Variants in PPP1R26 observed in about 807,000 individuals in gnomAD.
The protein encoded by PPP1R26 is protein phosphatase 1 regulatory subunit 26, also known as 1A6/DRIM (down-regulated in metastasis) interacting protein.
In PPP1R26, 22 loss-of-function variants were observed where a neutral mutation model predicts 67.6. That is an observed-to-expected ratio of 0.33 (90% CI 0.23 to 0.46). The LOEUF is 0.46. PPP1R26 is among the 20% of genes least tolerant of loss of function. The pLI is 1.00. For synonymous variants in PPP1R26, 729 were observed against 717.2 expected, an observed-to-expected ratio of 1.02 and a Z score of -0.26; for missense variants, 1,602 against 1,651.4, an observed-to-expected ratio of 0.97 and a Z score of 0.52.
At position 135,488,259 on chromosome 9, in the gene PPP1R26, C is replaced by T; in HGVS notation, c.*119C>T. ...AGGGAAACAGTCTATTATACATAGC[C>T]CTGTATATATGTACACCAACATGAA... On this transcript the variant is annotated 3_prime_UTR_variant, in exon 4 of 4. Coordinates refer to ENST00000356818, the MANE Select transcript of PPP1R26 (RefSeq NM_014811.5). 7.6e-7 allele frequency: 1 copy of T among 1,307,924 alleles called. No individual in the cohort carries two copies. The highest frequency in any genetic ancestry group is 2.8e-5 in the East Asian group (1 of 35,514). The allele number at this position is 1,307,924 out of a possible 1,614,324, so 81.0% of individuals were successfully genotyped here. A position where few individuals can be genotyped will look rare whatever the true frequency, so the allele number is the denominator to read the frequency against.
At chr9:135,482,983 C>CTTTTTTTTTTTT (rs1360229729) in intron 2 of PPP1R26, among the ~76,000 whole-genome samples, 168 bp downstream of exon 2, 26 of 125,746 alleles carry the variant, frequency 2.1e-4, no homozygotes, top group South Asian at 6.0e-4. Flanking sequence ...CTTTTTCTTT[C>CTTTTTTTTTTTT]TTTCTTTTTT....
Position 135,486,487 on chromosome 9 carries a change from T to G in PPP1R26, c.1977T>G (p.Thr659=). 1 of 1,612,720 alleles carries G rather than the reference T, an allele frequency of 6.2e-7. No individual in the cohort carries two copies. Among genetic ancestry groups the G allele is most frequent in the South Asian group, 1.1e-5 (1 of 91,020 alleles). Residue 659 remains threonine, a synonymous_variant, in exon 4 of 4, where the codon ACT becomes ACG. Coordinates refer to ENST00000356818, the MANE Select transcript of PPP1R26 (RefSeq NM_014811.5). This position sits in a 1 kb window ranked among gnomAD's most constrained non-coding sequence, Gnocchi z 6.2. ...GEGTARGPGD[T]RMSQGQGKTD... ...GCACCGCCAGGGGCCCTGGCGACAC[T>G]CGCATGTCACAGGGCCAGGGTAAGA...
In PPP1R26 at chr9:135,486,528, G is replaced by T. The variant is rs760852485; in HGVS notation, c.2018G>T (p.Arg673Leu). ...QGQGKTDEARRLDEKESSEDK... is the reference protein window; with the variant it reads ...QGQGKTDEARLLDEKESSEDK... ...CAGGGTAAGACAGACGAGGCAAGGC[G>T]CCTAGACGAGAAAGAGAGCTCTGAA... Residue 673 changes from arginine to leucine, a missense_variant, in exon 4 of 4, where the codon CGC (arginine) becomes CTC (leucine). Physicochemically the swap from Arg to Leu is moderately radical, Grantham distance 102. Around this residue, in one of 5 missense-constraint regions of PPP1R26, gnomAD observed 680 missense variants for 726.1 expected, o/e 0.94. Coordinates refer to ENST00000356818, the MANE Select transcript of PPP1R26 (RefSeq NM_014811.5). The surrounding 1 kb of genome is among the most constrained non-coding windows in gnomAD (Gnocchi z 6.2). The T allele has an allele frequency of 6.2e-7, 1 of 1,612,498 alleles. No homozygotes were observed. Among genetic ancestry groups the T allele is most frequent in the South Asian group, 1.1e-5 (1 of 91,018 alleles).
At position 135,486,733 on chromosome 9, in the gene PPP1R26, C is replaced by T. The variant is rs1300350500; in HGVS notation, c.2223C>T (p.Asp741=). Residue 741 remains aspartate, a synonymous_variant, in exon 4 of 4, where the codon GAC becomes GAT. Coordinates refer to ENST00000356818, the MANE Select transcript of PPP1R26 (RefSeq NM_014811.5). This position sits in a 1 kb window ranked among gnomAD's most constrained non-coding sequence, Gnocchi z 6.2. ...AGCAGCTGGGCGGGCTCCGGAGAGA[C>T]TGGAAAGACAGGGGCCCGCCAGTGC... The part of the protein sequence containing the change: ...FLEQLGGLRR[D]WKDRGPPVLK... 6.4e-7 allele frequency: 1 copy of T among 1,571,332 alleles called. No homozygotes were observed. The highest frequency in any genetic ancestry group is 1.9e-5 in the Admixed American group (1 of 52,514).
At position 135,488,115 on chromosome 9, in the gene PPP1R26, G is replaced by A. The variant is rs760797550; in HGVS notation, c.3605G>A (p.Gly1202Asp). ...DFSDTSTEDS[G>D]GSSVVKV ...AGCGACACCTCCACGGAGGACAGTG[G>A]CGGCAGCTCAGTAGTGAAGGTCTAA... Residue 1202 changes from glycine (G) to aspartate (D), a missense_variant, in exon 4 of 4, where the codon GGC becomes GAC. Coordinates refer to ENST00000356818, the MANE Select transcript of PPP1R26 (RefSeq NM_014811.5). 4 of 1,533,392 alleles carry A rather than the reference G, an allele frequency of 2.6e-6. No individual in the cohort carries two copies. The Admixed American group carries it at 8.5e-5, about 32-fold the overall frequency. 95.0% of individuals were successfully genotyped at this position (1,533,392 alleles called of 1,614,324 possible).
intron 1 of PPP1R26, among the ~76,000 whole-genome samples, chr9:135,482,075 A>G (rs1002601987): frequency 6.6e-6 from 1 of 152,226 alleles, no homozygotes; most frequent in Non-Finnish European, 1.5e-5. Flanking sequence ...CGACCTTGTC[A>G]TCTAGTGTAA....
Position 135,484,777 on chromosome 9 carries a change from G to A in PPP1R26, c.267G>A (p.Val89=), listed in dbSNP as rs770588814. Residue 89 remains valine, a synonymous_variant, in exon 4 of 4, where the codon GTG becomes GTA. Coordinates refer to ENST00000356818, the MANE Select transcript of PPP1R26 (RefSeq NM_014811.5). The stretch of plus-strand genomic sequence containing the variant: ...CCAGGCCGGCTGCCAAGCCCACCGT[G>A]CACAAGGAGCCACCCGCGTTGGCTG... ...HDARPAAKPT[V]HKEPPALAVC... The A allele has an allele frequency of 4.3e-6, 7 of 1,611,268 alleles. No homozygotes were observed. The Admixed American group carries it at 1.2e-4, about 27-fold the overall frequency.
rs1370326960 is a variant in PPP1R26, at chr9:135,486,725, C to T, written c.2215C>T (p.Arg739Trp). The T allele has an allele frequency of 1.4e-5, 22 of 1,573,856 alleles. No homozygotes were observed. The highest frequency in any genetic ancestry group is 1.7e-4 in the Middle Eastern group (1 of 6,006). The change falls in exon 4 of 4, where the codon CGG becomes TGG. Residue 739 changes from arginine (R) to tryptophan (W), a missense_variant. Physicochemically the swap from Arg to Trp is moderately radical, Grantham distance 101. Coordinates refer to ENST00000356818, the MANE Select transcript of PPP1R26 (RefSeq NM_014811.5). This position sits in a 1 kb window ranked among gnomAD's most constrained non-coding sequence, Gnocchi z 6.2. ...CTTCTTGGAGCAGCTGGGCGGGCTCCGGAGAGACTGGAAAGACAGGGGCCC... is the reference window on the plus strand; with the variant it reads ...CTTCTTGGAGCAGCTGGGCGGGCTCTGGAGAGACTGGAAAGACAGGGGCCC... ...THFLEQLGGLRRDWKDRGPPV... is the reference protein window; with the variant it reads ...THFLEQLGGLWRDWKDRGPPV...
chr9:135,480,748 T>C (rs1385589965), intron 1 of PPP1R26: 1 of 152,310 alleles, frequency 6.6e-6, no homozygotes, highest in Non-Finnish European at 1.5e-5. Context: ...GTTGTAAAAT[T>C]GCAGCTTCTG....
intron 2 of PPP1R26, among the ~76,000 whole-genome samples, chr9:135,483,089 G>A (rs910353035): frequency 6.1e-5 from 9 of 147,634 alleles, no homozygotes; most frequent in Non-Finnish European, 8.9e-5. Flanking sequence ...TCCTGGGTTC[G>A]AGCAATTCTC....
Position 135,486,344 on chromosome 9 carries a change from G to A in PPP1R26, c.1834G>A (p.Glu612Lys), listed in dbSNP as rs1377076655. The change falls in exon 4 of 4, where the codon GAG (glutamate) becomes AAG (lysine). Residue 612 changes from glutamate to lysine, a missense_variant. By Grantham distance (56) the Glu-to-Lys change is moderately conservative (BLOSUM62 1). Transcript: ENST00000356818. The surrounding 1 kb of genome is among the most constrained non-coding windows in gnomAD (Gnocchi z 6.2). Reference sequence around the variant, plus strand: ...GCCATCCACGCCCAAGAAAATGCAGGAGGTGGTGAAAGACGGTAGCCAGGA... The same window carrying A: ...GCCATCCACGCCCAAGAAAATGCAGAAGGTGGTGAAAGACGGTAGCCAGGA... ...VRPSTPKKMQ[E>K]VVKDGSQDAD... 2 of 1,613,140 alleles carry A rather than the reference G, an allele frequency of 1.2e-6. No individual in the cohort carries two copies. Among genetic ancestry groups the A allele is most frequent in the Admixed American group, 3.3e-5 (2 of 60,036 alleles).
At position 135,488,286 on chromosome 9, in the gene PPP1R26, CTT is replaced by C. The variant is rs1379053127; in HGVS notation, c.*149_*150del. The C allele has an allele frequency of 1.6e-6, 2 of 1,213,264 alleles. No homozygotes were observed. Among genetic ancestry groups the C allele is most frequent in the Non-Finnish European group, 2.1e-6 (2 of 955,366 alleles). 75.2% of individuals were successfully genotyped at this position (1,213,264 alleles called of 1,614,324 possible). A position where few individuals can be genotyped will look rare whatever the true frequency, so the allele number is the denominator to read the frequency against. On this transcript the variant is annotated 3_prime_UTR_variant, in exon 4 of 4. Coordinates refer to ENST00000356818, the MANE Select transcript of PPP1R26 (RefSeq NM_014811.5). ...TGTATATATGTACACCAACATGAAA[CTT>C]TTATTTAACAGACGTGTCCTGGTAA...
In PPP1R26 at chr9:135,486,759, T is replaced by C. The variant is rs1413493744; in HGVS notation, c.2249T>C (p.Leu750Pro). Residue 750 changes from leucine to proline, a missense_variant, in exon 4 of 4, where the codon CTG becomes CCG. By Grantham distance (98) the Leu-to-Pro change is moderately conservative. Coordinates refer to ENST00000356818, the MANE Select transcript of PPP1R26 (RefSeq NM_014811.5). This position sits in a 1 kb window ranked among gnomAD's most constrained non-coding sequence, Gnocchi z 6.2. The stretch of plus-strand genomic sequence containing the variant: ...TGGAAAGACAGGGGCCCGCCAGTGC[T>C]GAAGAGCTGCCTCTCCAAGTCCAAG... ...RDWKDRGPPV[L>P]KSCLSKSKRD... 2 of 1,579,050 alleles carry C rather than the reference T, an allele frequency of 1.3e-6. No individual in the cohort carries two copies. The highest frequency in any genetic ancestry group is 1.7e-6 in the Non-Finnish European group (2 of 1,163,304).
In PPP1R26 at chr9:135,488,818, CCTGGGT is replaced by C. The variant is rs1564213121; in HGVS notation, c.*679_*684del. On this transcript the variant is annotated 3_prime_UTR_variant, in exon 4 of 4. Transcript: ENST00000356818. The stretch of plus-strand genomic sequence containing the variant: ...AGCTGCTCGGCAGCCCAGCCCTGGG[CCTGGGT>C]GGGTTCATGTCCAATCTTGTTCGAT... 1 of 166,998 alleles carries C rather than the reference CCTGGGT, an allele frequency of 6.0e-6. No homozygotes were observed. Among genetic ancestry groups the C allele is most frequent in the African/African-American group, 2.4e-5 (1 of 41,462 alleles). 10.3% of individuals were successfully genotyped at this position (166,998 alleles called of 1,614,324 possible).
Position 135,486,848 on chromosome 9 carries a change from A to G in PPP1R26, c.2338A>G (p.Met780Val). The G allele has an allele frequency of 6.2e-7, 1 of 1,611,466 alleles. No individual in the cohort carries two copies. Among genetic ancestry groups the G allele is most frequent in the South Asian group, 1.1e-5 (1 of 90,980 alleles). ...TGTCTTTGGCAGCACGGCAGAGAGG[A>G]TGAGGCAGGAGGGTGCCGCGAGCCA... ...PSVFGSTAERMRQEGAASQDA... is the reference protein window; with the variant it reads ...PSVFGSTAERVRQEGAASQDA... Residue 780 changes from methionine (M) to valine (V), a missense_variant, in exon 4 of 4, where the codon ATG becomes GTG. Physicochemically the swap from Met to Val is conservative, Grantham distance 21. Transcript: ENST00000356818. The surrounding 1 kb of genome is among the most constrained non-coding windows in gnomAD (Gnocchi z 6.2).
At position 135,485,251 on chromosome 9, in the gene PPP1R26, G is replaced by A. The variant is rs543969733; in HGVS notation, c.741G>A (p.Gly247=). 75 of 1,612,952 alleles carry A rather than the reference G, an allele frequency of 4.6e-5. No individual in the cohort carries two copies. In the Admixed American group the frequency reaches 7.8e-4, roughly 17 times the overall value. The change falls in exon 4 of 4, where the codon GGG becomes GGA. Residue 247 remains glycine (G), a synonymous_variant. Coordinates refer to ENST00000356818, the MANE Select transcript of PPP1R26 (RefSeq NM_014811.5). The surrounding 1 kb of genome is among the most constrained non-coding windows in gnomAD (Gnocchi z 7.2). ...KRQHETQKCD[G]SVEKKPDTNE... is the part of the protein sequence containing the mutation. ...AGCATGAGACCCAAAAATGTGATGG[G>A]TCAGTGGAGAAGAAACCAGACACAA...
rs1443510882 is a variant in PPP1R26, at chr9:135,485,079, T to G, written c.569T>G (p.Leu190Arg). The G allele has an allele frequency of 3.3e-5, 53 of 1,610,860 alleles. No individual in the cohort carries two copies. Among genetic ancestry groups the G allele is most frequent in the Non-Finnish European group, 4.3e-5 (51 of 1,179,212 alleles). The change falls in exon 4 of 4, where the codon CTT becomes CGT. Residue 190 changes from leucine (L) to arginine (R), a missense_variant. By Grantham distance (102) the Leu-to-Arg change is moderately radical (BLOSUM62 -2). Coordinates refer to ENST00000356818, the MANE Select transcript of PPP1R26 (RefSeq NM_014811.5). The surrounding 1 kb of genome is among the most constrained non-coding windows in gnomAD (Gnocchi z 7.2). Reference sequence around the variant, plus strand: ...CCGACTGCCCTGTGTCCCCCAAAACTTGTACCTGGATCAGGTGGTGGCCCC... The same window carrying G: ...CCGACTGCCCTGTGTCCCCCAAAACGTGTACCTGGATCAGGTGGTGGCCCC... ...SAPTALCPPKLVPGSGGGPGS... is the reference protein window; with the variant it reads ...SAPTALCPPKRVPGSGGGPGS...
Position 135,487,503 on chromosome 9 carries a change from A to G in PPP1R26, c.2993A>G (p.His998Arg), listed in dbSNP as rs771426280. ...TEAGGARGTF[H>R]MGCGSPSFLT... ...GCAGGAGGCGCCAGAGGAACCTTTC[A>G]CATGGGCTGCGGGAGCCCGAGCTTC... The change falls in exon 4 of 4, where the codon CAC becomes CGC. Residue 998 changes from histidine (H) to arginine (R), a missense_variant. Physicochemically the swap from His to Arg is conservative, Grantham distance 29 (BLOSUM62 0). This residue lies in a region of PPP1R26 where 740 missense variants were observed against 696.3 expected (regional missense o/e 1.06). Coordinates refer to ENST00000356818, the MANE Select transcript of PPP1R26 (RefSeq NM_014811.5). 3 of 1,608,940 alleles carry G rather than the reference A, an allele frequency of 1.9e-6. No homozygotes were observed. The highest frequency in any genetic ancestry group is 2.5e-6 in the Non-Finnish European group (3 of 1,178,876).
Position 135,485,250 on chromosome 9 carries a change from G to T in PPP1R26, c.740G>T (p.Gly247Val). The change falls in exon 4 of 4, where the codon GGG becomes GTG. Residue 247 changes from glycine (G) to valine (V), a missense_variant. Physicochemically the swap from Gly to Val is moderately radical, Grantham distance 109 (BLOSUM62 -3). Transcript: ENST00000356818. The surrounding 1 kb of genome is among the most constrained non-coding windows in gnomAD (Gnocchi z 7.2). ...KRQHETQKCD[G>V]SVEKKPDTNE... ...CAGCATGAGACCCAAAAATGTGATG[G>T]GTCAGTGGAGAAGAAACCAGACACA... 6.2e-7 allele frequency: 1 copy of T among 1,612,894 alleles called. No individual in the cohort carries two copies. Among genetic ancestry groups the T allele is most frequent in the Non-Finnish European group, 8.5e-7 (1 of 1,179,962 alleles).
Sources: gnomAD v4.1 joint callset for allele counts (sites outside exome capture counted in the v4.1 genomes callset) on GRCh38, gnomAD v4.1.1 for gene constraint, gnomAD v4.1.1 regional missense constraint, Gnocchi (gnomAD v3.1) non-coding constraint, MANE v1.5 for transcripts, NCBI Gene and HGNC (gene_info 2026-07-23, HGNC 2026-07-21) for gene names.